The following MUSK variants were observed in gnomAD, a reference collection of about 807,000 sequenced individuals.
MUSK encodes muscle, skeletal receptor tyrosine-protein kinase.
Under a neutral mutation model 88.7 loss-of-function variants are expected in MUSK, and 55 were observed. The ratio of observed to expected loss-of-function variants is 0.62; its 90% confidence interval spans 0.50 to 0.78. The LOEUF (loss-of-function observed/expected upper bound fraction) is 0.78. Among genes scored for constraint, MUSK ranks in the 30% least tolerant of loss-of-function variants. The pLI, the probability that MUSK is intolerant of heterozygous loss-of-function variation, is 0.00. For missense variants in MUSK, 1,015 were observed against 1,074.3 expected (o/e 0.94, Z 0.77); for synonymous variants, 387 against 391.9 (o/e 0.99, Z 0.15).
At chr9:110,735,857 C>T (rs1051426978) in intron 6 of MUSK, among the ~76,000 whole-genome samples, 3 of 152,014 alleles carry the variant, frequency 2.0e-5, no homozygotes, top group Admixed American at 6.6e-5. Flanking sequence ...GTGCCACACA[C>T]GTTTAAACAA....
chr9:110,722,517 G>A (rs10980541), intron 5 of MUSK, among the ~76,000 whole-genome samples: 15,459 of 151,534 alleles, frequency 0.1, 878 homozygotes, highest in East Asian at 0.2. Context: ...GCAACAGAGC[G>A]AGACACCATC....
chr9:110,713,496 G>T (rs1433340404), intron 5 of MUSK, among the ~76,000 whole-genome samples: 1 of 152,094 alleles, frequency 6.6e-6, no homozygotes, highest in Non-Finnish European at 1.5e-5. Flanking sequence ...CTGGCCTCAA[G>T]TGATCCACCT....
rs1166204085 is a variant in MUSK at position 110,772,107 on chromosome 9, A to G, written c.1185-3681A>G. 3.3e-5 allele frequency among the ~76,000 whole-genome samples: 5 copies of G among 149,940 alleles called. No homozygotes were observed. In the East Asian group the frequency reaches 5.8e-4, roughly 17 times the overall value. On this transcript the variant is annotated intron_variant, in intron 9 of 14. Transcript: ENST00000374448. ...CTATAAATTATTATATATAGTTTAT[A>G]TATAATATAAAACTATAAATCTTAA...
intron 7 of MUSK, chr9:110,748,070 TTATC>T (rs2077198703): frequency 1.7e-6 from 1 of 592,684 alleles, no homozygotes; most frequent in Non-Finnish European, 3.2e-6. Context: ...CTTGTTTTTC[TTATC>T]TTTTTTCCTT....
At chr9:110,757,790 A>T (rs1031660836) in intron 7 of MUSK, among the ~76,000 whole-genome samples, 1 of 151,986 alleles carries the variant, frequency 6.6e-6, no homozygotes, top group African/African-American at 2.4e-5. Flanking sequence ...GAGTCTATGA[A>T]CTCTACATGT....
chr9:110,758,743 T>C (rs1308172542), intron 7 of MUSK, among the ~76,000 whole-genome samples: 1 of 152,136 alleles, frequency 6.6e-6, no homozygotes, highest in African/African-American at 2.4e-5. Context: ...AAAATTAATG[T>C]ACAAAAGTCA....
intron 3 of MUSK, among the ~76,000 whole-genome samples, chr9:110,690,601 T>C (rs370939116): frequency 2.2e-5 from 1 of 45,024 alleles, no homozygotes. Context: ...AGTATATATA[T>C]AAATATATAT....
intron 1 of MUSK, among the ~76,000 whole-genome samples, chr9:110,681,116 A>ATATATT: frequency 3.2e-5 from 1 of 31,456 alleles, no homozygotes; most frequent in South Asian, 6.6e-4. Context: ...TATTATATAT[A>ATATATT]ATATATATTA....
intron 3 of MUSK, among the ~76,000 whole-genome samples, chr9:110,694,215 CAAA>C (rs1217917603): frequency 1.1e-4 from 8 of 72,096 alleles, no homozygotes; most frequent in African/African-American, 4.3e-4. Flanking sequence ...ACTAAAAATA[CAAA>C]AAAAAAAAAA....
rs10607243 is a variant in MUSK at position 110,675,562 on chromosome 9, C to CTTTTTTT, written c.79+6598_79+6604dup. Among the ~76,000 whole-genome samples, 29 of 61,618 alleles carry CTTTTTTT rather than the reference C, an allele frequency of 4.7e-4. 1 individual carries two copies. The highest frequency in any genetic ancestry group is 8.8e-4 in the African/African-American group (12 of 13,642). The allele number at this position is 61,618 out of a possible 152,430, so 40.4% of individuals were successfully genotyped here. A position where few individuals can be genotyped will look rare whatever the true frequency, so the allele number is the denominator to read the frequency against. ...ATGTGTAGTTGCTCAATAGTCTTCC[C>CTTTTTTT]TTTTTTTTTTTTTTTTTTTTTTTTT... On this transcript the variant is annotated intron_variant, in intron 1 of 14. Coordinates refer to ENST00000374448, the MANE Select transcript of MUSK (RefSeq NM_005592.4).
At position 110,687,128 on chromosome 9, in the gene MUSK, C is replaced by G; in HGVS notation, c.218C>G (p.Thr73Ser). 6.2e-7 allele frequency: 1 copy of G among 1,613,278 alleles called. No homozygotes were observed. Among genetic ancestry groups the G allele is most frequent in the Non-Finnish European group, 8.5e-7 (1 of 1,179,522 alleles). Residue 73 changes from threonine to serine, a missense_variant, in exon 3 of 15, where the codon ACC (threonine) becomes AGC (serine). Thr to Ser is a moderately conservative substitution (Grantham distance 58, BLOSUM62 1). Transcript: ENST00000374448. ...RNKILIKLFD[T>S]RYSIRENGQL... ...TCTGTGACCTGCAGACTCTTTGACA[C>G]CCGGTACAGCATCCGGGAGAATGGG...
chr9:110,681,767 T>C (rs906174044), intron 1 of MUSK, among the ~76,000 whole-genome samples: 1 of 152,130 alleles, frequency 6.6e-6, no homozygotes, highest in Non-Finnish European at 1.5e-5. Flanking sequence ...AGAAAGTGGA[T>C]GTATCTTTTA....
intron 9 of MUSK, among the ~76,000 whole-genome samples, chr9:110,769,360 T>G (rs2077533181): frequency 6.6e-6 from 1 of 152,142 alleles, no homozygotes; most frequent in Non-Finnish European, 1.5e-5. Context: ...ATAAGAGTAA[T>G]ATAATTTGTT....
intron 2 of MUSK, among the ~76,000 whole-genome samples, chr9:110,686,442 TA>T (rs893760433): frequency 5.3e-5 from 8 of 152,132 alleles, no homozygotes; most frequent in Admixed American, 5.2e-4. Flanking sequence ...GCATTTGGCA[TA>T]AAAAAACTCT....
chr9:110,778,851 CT>C (rs1419608142), intron 11 of MUSK, among the ~76,000 whole-genome samples: 7 of 152,150 alleles, frequency 4.6e-5, no homozygotes, highest in African/African-American at 1.7e-4. Context: ...ATTCCACTAC[CT>C]TTTCACATTT....
chr9:110,715,577 T>C (rs1468860268), intron 5 of MUSK, among the ~76,000 whole-genome samples: 1 of 148,872 alleles, frequency 6.7e-6, no homozygotes, highest in Non-Finnish European at 1.5e-5. Context: ...TCTCAAGATA[T>C]TGACTATAAG....
At chr9:110,674,133 T>C (rs2075995070) in intron 1 of MUSK, among the ~76,000 whole-genome samples, 1 of 151,674 alleles carries the variant, frequency 6.6e-6, no homozygotes, top group Non-Finnish European at 1.5e-5. Flanking sequence ...TAAAATACTC[T>C]ATAGTAAAAA....
rs759303936 is a variant in MUSK at position 110,785,014 on chromosome 9, A to G, written c.1584A>G (p.Lys528=). 6.2e-7 allele frequency: 1 copy of G among 1,613,298 alleles called. No individual in the cohort carries two copies. Among genetic ancestry groups the G allele is most frequent in the Non-Finnish European group, 8.5e-7 (1 of 1,179,504 alleles). The change falls in exon 12 of 15, where the codon AAA becomes AAG. Residue 528 remains lysine (K), a splice_region_variant and synonymous_variant. Coordinates refer to ENST00000374448, the MANE Select transcript of MUSK (RefSeq NM_005592.4). ...CRRRKQWKNK[K]RESAAVTLTT... The stretch of plus-strand genomic sequence containing the variant: ...GAAGAAAACAATGGAAAAATAAGAA[A>G]AGGTGAGATTCTAGTTTCAGCTAAC...
At chr9:110,712,505 TC>T (rs1488030098) in intron 5 of MUSK, among the ~76,000 whole-genome samples, 11 of 152,162 alleles carry the variant, frequency 7.2e-5, no homozygotes, top group African/African-American at 2.7e-4. Flanking sequence ...CCAGTGCACA[TC>T]AGAAGCATCT....
Sources: gnomAD v4.1 joint callset for allele counts (sites outside exome capture counted in the v4.1 genomes callset) on GRCh38, gnomAD v4.1.1 for gene constraint, MANE v1.5 for transcripts, NCBI Gene and HGNC (gene_info 2026-07-23, HGNC 2026-07-21) for gene names.